STPG2: variants seen among roughly 807,000 people sequenced by gnomAD.
The protein encoded by STPG2 is sperm-tail PG-rich repeat-containing protein 2.
STPG2 carries 56 observed loss-of-function variants against 54.2 expected under a neutral mutation model. The ratio of observed to expected loss-of-function variants is 1.03; its 90% CI spans 0.83 to 1.29. STPG2 has a LOEUF of 1.29. Ranked by LOEUF, STPG2 falls within the 50% of genes most tolerant of loss-of-function variation. The pLI is 0.00. For synonymous variants in STPG2, 200 were observed against 181.8 expected (o/e 1.10, Z -0.81); for missense variants, 596 against 544.9 (o/e 1.09, Z -0.93).
chr4:97,718,758 C>G (rs2149013598), intron 9 of STPG2, among the ~76,000 whole-genome samples: 1 of 152,054 alleles, frequency 6.6e-6, no homozygotes, highest in South Asian at 2.1e-4. Context: ...TTCACCCTTA[C>G]AGTATTCTTT....
intron 8 of STPG2, among the ~76,000 whole-genome samples, chr4:97,900,438 T>C (rs1232462414): frequency 6.6e-6 from 1 of 152,082 alleles, no homozygotes; most frequent in Non-Finnish European, 1.5e-5. Context: ...CCCAGAGGAA[T>C]AGAAATCATT....
intron 7 of STPG2, among the ~76,000 whole-genome samples, chr4:97,949,521 C>T (rs1578722908): frequency 1.3e-5 from 2 of 152,026 alleles, no homozygotes; most frequent in East Asian, 3.9e-4. Context: ...TTTATGCTTG[C>T]AAGAGGTTCT....
At chr4:97,487,310 G>A (rs911710466) in intron 4 of STPG2, among the ~76,000 whole-genome samples, 1 of 151,380 alleles carries the variant, frequency 6.6e-6, no homozygotes, top group Non-Finnish European at 1.5e-5. Flanking sequence ...TTACAGGTAA[G>A]GAGTCACAGA....
chr4:98,014,079 T>C (rs1415190978), intron 5 of STPG2, among the ~76,000 whole-genome samples: 1 of 152,182 alleles, frequency 6.6e-6, no homozygotes, highest in Non-Finnish European at 1.5e-5. Context: ...CGATTTGAGA[T>C]CCTTCTATCT....
At chr4:97,461,233 A>G (rs893772612) in intron 4 of STPG2, among the ~76,000 whole-genome samples, 1 of 151,922 alleles carries the variant, frequency 6.6e-6, no homozygotes, top group Admixed American at 6.6e-5. Context: ...CTTTTCCAAC[A>G]TTTGGTTGTC....
intron 5 of STPG2, among the ~76,000 whole-genome samples, chr4:98,076,948 CA>C (rs1738186194): frequency 6.6e-6 from 1 of 151,978 alleles, no homozygotes; most frequent in Non-Finnish European, 1.5e-5. Context: ...ATTTAATCAA[CA>C]AACAAAATGA....
At chr4:97,941,761 T>A (rs1281747576) in intron 8 of STPG2, among the ~76,000 whole-genome samples, 1 of 152,058 alleles carries the variant, frequency 6.6e-6, no homozygotes, top group Non-Finnish European at 1.5e-5. Flanking sequence ...TTTGAGATAT[T>A]ATTTCAATTT....
chr4:98,126,896 G>C (rs983574345), intron 3 of STPG2, among the ~76,000 whole-genome samples: 3 of 151,908 alleles, frequency 2.0e-5, no homozygotes, highest in African/African-American at 7.3e-5. Context: ...TATTATTATT[G>C]TAAGTTTTTC....
At position 97,638,961 on chromosome 4, in the gene STPG2, G is replaced by A. The variant is rs879675041; in HGVS notation, c.1320+73738C>T. On this transcript the variant is annotated intron_variant, in intron 10 of 10. Coordinates refer to ENST00000295268, the MANE Select transcript of STPG2 (RefSeq NM_174952.3). ...GCGATTCCTCAGGGATCTAGAACTA[G>A]AAATACCATTTGACCCGGCCATCCC... 2.1e-3 allele frequency among the ~76,000 whole-genome samples: 313 copies of A among 150,648 alleles called. 1 individual carries two copies. Among genetic ancestry groups the A allele is most frequent in the Non-Finnish European group, 3.7e-3 (248 of 67,866 alleles).
At chr4:98,006,879 T>C (rs1735593545) in intron 5 of STPG2, among the ~76,000 whole-genome samples, 1 of 152,168 alleles carries the variant, frequency 6.6e-6, no homozygotes, top group Non-Finnish European at 1.5e-5. Flanking sequence ...ACATGGACCA[T>C]GCATTTGGGC....
rs150671810 is a variant in STPG2 at position 97,796,575 on chromosome 4, C to T, written c.1204+44198G>A. Among the ~76,000 whole-genome samples, 425 of 152,272 alleles carry T rather than the reference C, an allele frequency of 2.8e-3. 3 individuals carry two copies. The highest frequency in any genetic ancestry group is 9.4e-3 in the African/African-American group (389 of 41,538). ...ACTGGTCTAGCTCTCTGTTTTGGTA[C>T]TAGTACCATGCTGTTTTGGTTACTG... is the stretch of plus-strand genomic sequence containing the variant. On this transcript the variant is annotated intron_variant, in intron 9 of 10. Transcript: ENST00000295268.
chr4:97,828,489 G>A (rs1016335545), intron 9 of STPG2, among the ~76,000 whole-genome samples: 5 of 152,042 alleles, frequency 3.3e-5, no homozygotes, highest in East Asian at 3.9e-4. Context: ...AGCTAGCTGC[G>A]GGAGATTTTT....
intron 4 of STPG2, among the ~76,000 whole-genome samples, chr4:97,528,328 C>T (rs1452027685): frequency 6.6e-6 from 1 of 152,094 alleles, no homozygotes; most frequent in African/African-American, 2.4e-5. Context: ...GGCACTATTT[C>T]TGAGGCCTCT....
chr4:97,990,572 C>T (rs1734969967), intron 5 of STPG2, among the ~76,000 whole-genome samples: 1 of 152,108 alleles, frequency 6.6e-6, no homozygotes, highest in Admixed American at 6.6e-5. Flanking sequence ...TGGGAATCTA[C>T]TTTTTAATAA....
intron 4 of STPG2, among the ~76,000 whole-genome samples, chr4:97,489,336 T>A (rs1266055173): frequency 6.6e-6 from 1 of 151,744 alleles, no homozygotes; most frequent in Admixed American, 6.6e-5. Context: ...AAATCGATAC[T>A]AGTAGAAATA....
chr4:97,949,108 T>C (rs1733363885), intron 7 of STPG2, among the ~76,000 whole-genome samples: 2 of 152,260 alleles, frequency 1.3e-5, no homozygotes, highest in South Asian at 4.2e-4. Flanking sequence ...TAAGTGCTTA[T>C]ACATTTAAAA....
At chr4:97,567,816 A>G (rs1732494973) in intron 10 of STPG2, among the ~76,000 whole-genome samples, 1 of 152,202 alleles carries the variant, frequency 6.6e-6, no homozygotes, top group African/African-American at 2.4e-5. Flanking sequence ...GCATATGTAC[A>G]TTATATGACC....
intron 9 of STPG2, among the ~76,000 whole-genome samples, chr4:97,749,154 C>T (rs955513741): frequency 6.6e-6 from 1 of 151,642 alleles, no homozygotes; most frequent in Non-Finnish European, 1.5e-5. Context: ...TTCATGGTTA[C>T]ATGGAAAAAA....
intron 4 of STPG2, among the ~76,000 whole-genome samples, chr4:97,498,918 C>T (rs1288870894): frequency 1.3e-5 from 2 of 151,754 alleles, no homozygotes; most frequent in African/African-American, 2.4e-5. Flanking sequence ...AAGTAGAATG[C>T]CAAAGCAAGA....
Sources: gnomAD v4.1 joint callset for allele counts (sites outside exome capture counted in the v4.1 genomes callset) on GRCh38, gnomAD v4.1.1 for gene constraint, MANE v1.5 for transcripts, NCBI Gene and HGNC (gene_info 2026-07-23, HGNC 2026-07-21) for gene names.